Variants in HMGN5 observed in about 807,000 individuals in gnomAD.
The protein encoded by HMGN5 is high mobility group nucleosome-binding domain-containing protein 5.
Under a neutral mutation model 9.5 loss-of-function variants are expected in HMGN5, and 4 were observed. That is an observed-to-expected ratio of 0.42 (90% CI 0.21 to 0.96). HMGN5 has a LOEUF of 0.96. Among genes scored for constraint, HMGN5 ranks in the 40% least tolerant of loss-of-function variants. The pLI is 0.30. For missense variants in HMGN5, 192 were observed against 187.5 expected (o/e 1.02, Z -0.14); for synonymous variants, 55 against 57.1 (o/e 0.96, Z 0.16).
intron 1 of HMGN5, among the ~76,000 whole-genome samples, chrX:81,201,190 C>G (rs3810675): frequency 0.16 from 17,816 of 108,565 alleles, 1,576 homozygotes; most frequent in East Asian, 0.74. Flanking sequence ...ACTGACTCCT[C>G]TCCACTCTCA....
chrX:81,190,227 G>C (rs2075490300), intron 1 of HMGN5, among the ~76,000 whole-genome samples: 1 of 111,721 alleles, frequency 9.0e-6, no homozygotes, highest in African/African-American at 3.2e-5. Flanking sequence ...TTTTCTCCCA[G>C]TCTCTGGCTT....
chrX:81,154,691 A>C (rs999412709), intron 1 of HMGN5, among the ~76,000 whole-genome samples: 2 of 111,377 alleles, frequency 1.8e-5, no homozygotes, highest in African/African-American at 6.5e-5. Context: ...TAATAATCCA[A>C]TTAAAAATGA....
At chrX:81,182,279 T>A (rs892166675) in intron 1 of HMGN5, among the ~76,000 whole-genome samples, 3 of 112,413 alleles carry the variant, frequency 2.7e-5, no homozygotes. Flanking sequence ...CTTTTGTCTA[T>A]TTTTGAATTG....
At chrX:81,149,438 G>A (rs951959495) in intron 1 of HMGN5, among the ~76,000 whole-genome samples, 2 of 111,525 alleles carry the variant, frequency 1.8e-5, no homozygotes, top group African/African-American at 6.5e-5. Context: ...ATGGACACAG[G>A]GAGAGGAGCA....
chrX:81,201,164 A>T (rs746620130), intron 1 of HMGN5, among the ~76,000 whole-genome samples: 1 of 110,524 alleles, frequency 9.0e-6, no homozygotes, highest in Non-Finnish European at 1.9e-5. Context: ...GCAAAGGAAA[A>T]GAAGTAGGAC....
At chrX:81,179,949 G>T (rs1281274096) in intron 1 of HMGN5, among the ~76,000 whole-genome samples, 1 of 111,646 alleles carries the variant, frequency 9.0e-6, no homozygotes, top group Non-Finnish European at 1.9e-5. Context: ...ACAAGAAATG[G>T]GGAAAGGATT....
chrX:81,133,375 G>A (rs2075302875), intron 1 of HMGN5, among the ~76,000 whole-genome samples: 2 of 111,287 alleles, frequency 1.8e-5, no homozygotes. Context: ...CCAAAGGAAT[G>A]TAAATCATTC....
chrX:81,199,350 A>G (rs1250635941), intron 1 of HMGN5, among the ~76,000 whole-genome samples: 3 of 112,489 alleles, frequency 2.7e-5, no homozygotes, highest in Non-Finnish European at 5.6e-5. Context: ...GCTACCAATG[A>G]CTTTCTTCAC....
chrX:81,198,580 A>G (rs1387489668), intron 1 of HMGN5, among the ~76,000 whole-genome samples: 3 of 112,055 alleles, frequency 2.7e-5, no homozygotes, highest in African/African-American at 9.7e-5. Flanking sequence ...AATATATGCA[A>G]ATCAATTAAT....
chrX:81,185,895 C>A (rs1381024114), intron 1 of HMGN5, among the ~76,000 whole-genome samples: 1 of 111,090 alleles, frequency 9.0e-6, no homozygotes, highest in Non-Finnish European at 1.9e-5. Flanking sequence ...GTCTTTCATT[C>A]TCTTTATATG....
intron 1 of HMGN5, among the ~76,000 whole-genome samples, chrX:81,148,282 T>C (rs985412016): frequency 9.0e-6 from 1 of 111,384 alleles, no homozygotes; most frequent in African/African-American, 3.3e-5. Context: ...CCAAAACAGA[T>C]ATATAGACCA....
chrX:81,125,528 T>C (rs2075280819), intron 1 of HMGN5, among the ~76,000 whole-genome samples: 1 of 111,739 alleles, frequency 8.9e-6, no homozygotes, highest in African/African-American at 3.3e-5. Flanking sequence ...CTATGTCCTA[T>C]GTTTATTTGC....
intron 1 of HMGN5, among the ~76,000 whole-genome samples, chrX:81,157,125 G>A (rs1407058567): frequency 9.0e-6 from 1 of 111,471 alleles, no homozygotes; most frequent in Non-Finnish European, 1.9e-5. Flanking sequence ...CCATTATTAA[G>A]TTTCCCATTG....
Position 81,115,200 on chromosome X carries a change from C to T in HMGN5, c.298G>A (p.Val100Ile). The T allele has an allele frequency of 8.5e-7, 1 of 1,175,371 alleles. No homozygotes were observed. Among genetic ancestry groups the T allele is most frequent in the Non-Finnish European group, 1.1e-6 (1 of 880,954 alleles). Reference sequence around the variant, plus strand: ...GCATCTTCAATATTTTCTTCTTTTACTTCCACAATTTCTTTTTCAGAAGCT... The same window carrying T: ...GCATCTTCAATATTTTCTTCTTTTATTTCCACAATTTCTTTTTCAGAAGCT... The part of the protein sequence containing the change: ...APASEKEIVE[V>I]KEENIEDATE... Residue 100 changes from valine to isoleucine, a missense_variant, in exon 7 of 7, where the codon GTA becomes ATA. Val to Ile is a conservative substitution (Grantham distance 29). Transcript: ENST00000358130.
At position 81,121,791 on chromosome X, in the gene HMGN5, T is replaced by C. The variant is rs563868335; in HGVS notation, c.-123-119A>G. The C allele has an allele frequency of 1.2e-4, 36 of 304,152 alleles. No individual in the cohort carries two copies. In the East Asian group the frequency reaches 1.5e-3, roughly 12 times the overall value. The allele number at this position is 304,152 out of a possible 1,213,427, so 25.1% of individuals were successfully genotyped here. ...TTGGAGTGACAGGCTCTCAGGCCAA[T>C]AAGAAGAGGCAGCCGGCTTTGAGGG... On this transcript the variant is annotated intron_variant, in intron 1 of 6. Transcript: ENST00000358130.
intron 1 of HMGN5, among the ~76,000 whole-genome samples, chrX:81,190,943 T>C (rs1214168652): frequency 1.8e-5 from 2 of 111,870 alleles, no homozygotes; most frequent in Non-Finnish European, 3.8e-5. Flanking sequence ...CTTTCACCAA[T>C]ACCACACTGT....
chrX:81,134,420 G>A (rs186722127), intron 1 of HMGN5, among the ~76,000 whole-genome samples: 8 of 111,054 alleles, frequency 7.2e-5, no homozygotes, highest in Non-Finnish European at 1.5e-4. Flanking sequence ...AAGCTTTATT[G>A]AGATATAATT....
At chrX:81,171,559 C>A (rs1679873881) in intron 1 of HMGN5, among the ~76,000 whole-genome samples, 1 of 110,974 alleles carries the variant, frequency 9.0e-6, no homozygotes, top group Admixed American at 9.6e-5. Flanking sequence ...GAATAAGAGC[C>A]AAAAAGATTA....
chrX:81,156,829 C>G (rs1425603948), intron 1 of HMGN5, among the ~76,000 whole-genome samples: 1 of 110,335 alleles, frequency 9.1e-6, no homozygotes, highest in Non-Finnish European at 1.9e-5. Flanking sequence ...TTGTCTTGCA[C>G]TCTGCTTGTC....
Sources: gnomAD v4.1 joint callset for allele counts (sites outside exome capture counted in the v4.1 genomes callset) on GRCh38, gnomAD v4.1.1 for gene constraint, MANE v1.5 for transcripts, NCBI Gene and HGNC (gene_info 2026-07-23, HGNC 2026-07-21) for gene names.